The following AFMID variants were observed in gnomAD, a reference collection of about 807,000 sequenced individuals.
AFMID encodes the protein kynurenine formamidase.
AFMID carries 39 observed loss-of-function variants against 47.5 expected under a neutral mutation model. The ratio of observed to expected loss-of-function variants is 0.82; its 90% CI spans 0.64 to 1.07. The LOEUF (loss-of-function observed/expected upper bound fraction) is 1.07, where lower values mean the gene tolerates loss of function less well. Ranked by LOEUF, AFMID falls within the 50% of genes least tolerant of loss-of-function variation. The pLI, the probability that AFMID is intolerant of heterozygous loss-of-function variation, is 0.00. For missense variants in AFMID, 375 were observed against 387.5 expected (o/e 0.97, Z 0.27); for synonymous variants, 130 against 153.2 (o/e 0.85, Z 1.12).
intron 2 of AFMID, among the ~76,000 whole-genome samples, chr17:78,193,614 A>G (rs1274301368): frequency 1.3e-5 from 2 of 151,920 alleles, no homozygotes; most frequent in East Asian, 1.9e-4. Context: ...TGGGAGGTCA[A>G]AGCACGAGGA....
At chr17:78,201,770 C>A (rs796800000) in intron 2 of AFMID, among the ~76,000 whole-genome samples, 12 of 152,040 alleles carry the variant, frequency 7.9e-5, no homozygotes, top group African/African-American at 1.4e-4. Flanking sequence ...TCGCTCTGTC[C>A]CCCAGGCTAG....
chr17:78,201,247 T>G (rs889393542), intron 2 of AFMID, among the ~76,000 whole-genome samples: 3 of 145,058 alleles, frequency 2.1e-5, no homozygotes, highest in Non-Finnish European at 4.5e-5. Flanking sequence ...TGAGCCAAGA[T>G]GGCACCACTG....
intron 2 of AFMID, among the ~76,000 whole-genome samples, chr17:78,196,807 G>A (rs2076127300): frequency 6.6e-6 from 1 of 152,152 alleles, no homozygotes; most frequent in African/African-American, 2.4e-5. Context: ...TAGCAATGAA[G>A]CTTTTGCTTT....
rs764302771 is a variant in AFMID at position 78,190,682 on chromosome 17, G to A, written c.64-288G>A. On this transcript the variant is annotated intron_variant, in intron 1 of 10. Coordinates refer to ENST00000409257, the MANE Select transcript of AFMID (RefSeq NM_001010982.5). ...GCTAGGATTACAGGCGTGAGCCACC[G>A]GGCCACCTGGCCTCCCCTGGTCGTA... 4.1e-5 allele frequency: 14 copies of A among 340,956 alleles called. 1 individual carries two copies. Among genetic ancestry groups the A allele is most frequent in the South Asian group, 3.0e-4 (7 of 23,490 alleles). 21.1% of individuals were successfully genotyped at this position (340,956 alleles called of 1,614,324 possible). A position where few individuals can be genotyped will look rare whatever the true frequency, so the allele number is the denominator to read the frequency against.
intron 2 of AFMID, among the ~76,000 whole-genome samples, chr17:78,198,802 C>T (rs2076175929): frequency 6.6e-6 from 1 of 151,806 alleles, no homozygotes; most frequent in South Asian, 2.1e-4. Context: ...GAGCGAGCCT[C>T]TGTCTCAAAA....
rs371986883 is a variant in AFMID, at chr17:78,205,696, C to T, written c.738C>T (p.Phe246=). ...GTGTGCTGGTGGTCGTGGGCCAGTT[C>T]GACTCCCCCGAATTCCACCGACAGT... ...TCRVLVVVGQ[F]DSPEFHRQSW... is the part of the protein sequence containing the mutation. Residue 246 remains phenylalanine (F), a synonymous_variant, in exon 9 of 11, where the codon TTC becomes TTT. Transcript: ENST00000409257. The T allele has an allele frequency of 3.4e-5, 55 of 1,612,070 alleles. No homozygotes were observed. The African/African-American group carries it at 6.0e-4, about 18-fold the overall frequency.
intron 2 of AFMID, among the ~76,000 whole-genome samples, chr17:78,200,301 C>T (rs1314835627): frequency 6.6e-5 from 10 of 151,976 alleles, no homozygotes; most frequent in South Asian, 2.1e-4. Context: ...ATTACAGGCA[C>T]GCGCCACCAC....
intron 4 of AFMID, chr17:78,203,681 C>G (rs963558772): frequency 6.6e-6 from 1 of 152,098 alleles, no homozygotes; most frequent in Non-Finnish European, 1.5e-5. Flanking sequence ...CACTGCTGTT[C>G]CCTAGGGTCT....
At chr17:78,206,808 A>G in intron 10 of AFMID, 103 bp from the exon 11 acceptor site, 3 of 1,322,164 alleles carry the variant, frequency 2.3e-6, no homozygotes, top group South Asian at 1.2e-5. Context: ...TTGGGGTTGC[A>G]GACGTGAGCC....
At chr17:78,202,916 G>C (rs908617405) in intron 4 of AFMID, 165 bp downstream of exon 4, 22 of 855,286 alleles carry the variant, frequency 2.6e-5, no homozygotes, top group Admixed American at 7.0e-5. Context: ...ATGTGGGCAG[G>C]GTTCCTAGGG....
intron 2 of AFMID, among the ~76,000 whole-genome samples, chr17:78,198,701 C>T (rs2076173141): frequency 6.6e-6 from 1 of 151,578 alleles, no homozygotes; most frequent in Non-Finnish European, 1.5e-5. Context: ...CCCAGCTGCT[C>T]AGAAGGAGGA....
At chr17:78,193,370 CAAAAAAAAA>C (rs199993168) in intron 2 of AFMID, among the ~76,000 whole-genome samples, 2 of 68,928 alleles carry the variant, frequency 2.9e-5, no homozygotes, top group Non-Finnish European at 6.2e-5. Flanking sequence ...GACTCTGTCT[CAAAAAAAAA>C]AAAAAAAAAA....
chr17:78,198,580 A>C (rs1357746643), intron 2 of AFMID, among the ~76,000 whole-genome samples: 1 of 150,492 alleles, frequency 6.6e-6, no homozygotes, highest in East Asian at 2.0e-4. Context: ...CAGAGGTTGG[A>C]GTGAGCGGAG....
At position 78,204,711 on chromosome 17, in the gene AFMID, G is replaced by A. The variant is rs760592714; in HGVS notation, c.364G>A (p.Val122Ile). Residue 122 changes from valine to isoleucine, a missense_variant, in exon 5 of 11, where the codon GTA becomes ATA. Physicochemically the swap from Val to Ile is conservative, Grantham distance 29. Transcript: ENST00000409257. Reference protein sequence around the residue: ...HPLTAQGVAVVIVAYGIAPKG... With the variant: ...HPLTAQGVAVIIVAYGIAPKG... ...GCTGACGGCACAGGGAGTGGCCGTG[G>A]TAATAGTGGCTTACGGCATCGCCCC... 36 of 1,614,076 alleles carry A rather than the reference G, an allele frequency of 2.2e-5. No homozygotes were observed. The South Asian group carries it at 3.4e-4, about 15-fold the overall frequency.
chr17:78,197,823 G>A (rs1273910160), intron 2 of AFMID, among the ~76,000 whole-genome samples: 1 of 152,068 alleles, frequency 6.6e-6, no homozygotes, highest in Admixed American at 6.6e-5. Context: ...ATGATCAGAT[G>A]TGGTTTGAGA....
intron 2 of AFMID, among the ~76,000 whole-genome samples, chr17:78,193,295 T>G (rs894189711): frequency 7.2e-6 from 1 of 138,208 alleles, no homozygotes; most frequent in Non-Finnish European, 1.5e-5. Context: ...GGTGTGAACC[T>G]GGGAGGTGGA....
intron 2 of AFMID, among the ~76,000 whole-genome samples, chr17:78,194,029 A>C (rs1037391617): frequency 1.3e-5 from 2 of 151,742 alleles, no homozygotes; most frequent in African/African-American, 4.8e-5. Context: ...GTGCACCTGC[A>C]GTTCCACCTA....
chr17:78,201,921 AG>A (rs1313649243), intron 2 of AFMID, among the ~76,000 whole-genome samples: 1 of 151,308 alleles, frequency 6.6e-6, no homozygotes, highest in Non-Finnish European at 1.5e-5. Context: ...TAGTAGAGAC[AG>A]GGTTTCACCA....
intron 1 of AFMID, among the ~76,000 whole-genome samples, chr17:78,190,063 C>G (rs1378728783): frequency 1.4e-5 from 2 of 147,292 alleles, no homozygotes; most frequent in African/African-American, 5.0e-5. Flanking sequence ...AACTCCTGAC[C>G]TCGTGATCCC....
Sources: allele counts gnomAD v4.1 joint callset (sites outside exome capture counted in the v4.1 genomes callset), GRCh38; gene constraint gnomAD v4.1.1; transcripts MANE v1.5; gene names NCBI Gene and HGNC (gene_info 2026-07-23, HGNC 2026-07-21).